The following FZD3 variants were observed in gnomAD, a reference collection of about 807,000 sequenced individuals.
The protein encoded by FZD3 is frizzled-3.
A neutral mutation model predicts 60.7 loss-of-function variants in FZD3; 30 were observed. That is an observed-to-expected ratio of 0.49 (90% confidence interval 0.37 to 0.67). The LOEUF (loss-of-function observed/expected upper bound fraction) is 0.67. Among genes scored for constraint, FZD3 ranks in the 30% least tolerant of loss-of-function variants. The probability of loss-of-function intolerance (pLI) is 0.00; values close to 1 mark genes in which losing one functional copy is unlikely to be tolerated. For synonymous variants in FZD3, 246 were observed against 275.2 expected (o/e 0.89, Z 1.05); for missense variants, 605 against 838.7 (o/e 0.72, Z 3.44).
At chr8:28,530,924 A>T (rs1257176234) in intron 5 of FZD3, among the ~76,000 whole-genome samples, 2 of 152,150 alleles carry the variant, frequency 1.3e-5, no homozygotes, top group African/African-American at 2.4e-5. Context: ...TCTATTTTTT[A>T]AAATGTTTCC....
At position 28,566,463 on chromosome 8, in the gene FZD3, G is replaced by T. The variant is rs1439518406; in HGVS notation, c.*3452G>T. 1 of 152,054 alleles carries T rather than the reference G, an allele frequency of 6.6e-6. No homozygotes were observed. Among genetic ancestry groups the T allele is most frequent in the Admixed American group, 6.6e-5 (1 of 15,264 alleles). 9.4% of individuals were successfully genotyped at this position (152,054 alleles called of 1,614,324 possible). A position where few individuals can be genotyped will look rare whatever the true frequency, so the allele number is the denominator to read the frequency against. On this transcript the variant is annotated 3_prime_UTR_variant, in exon 8 of 8. Transcript: ENST00000240093. ...TCTTCAAATCAACCTTTCTTTTTCT[G>T]CTGCTCTTAGAGCAGATTTATAAAA...
At position 28,564,442 on chromosome 8, in the gene FZD3, TAAAA is replaced by T. The variant is rs11299885; in HGVS notation, c.*1451_*1454del. The T allele has an allele frequency of 0.011, 1,255 of 112,376 alleles. 19 individuals are homozygous for T. The highest frequency in any genetic ancestry group is 0.039 in the African/African-American group (1,160 of 29,792). The allele number at this position is 112,376 out of a possible 1,614,324, so 7.0% of individuals were successfully genotyped here. ...TACAAATAAGAATTGGTAGCTTTCT[TAAAA>T]AAAAAAAAAAAAAAAAAAAGCGCTC... On this transcript the variant is annotated 3_prime_UTR_variant, in exon 8 of 8. Coordinates refer to ENST00000240093, the MANE Select transcript of FZD3 (RefSeq NM_017412.4).
intron 3 of FZD3, among the ~76,000 whole-genome samples, chr8:28,509,602 T>G (rs1804231458): frequency 6.6e-6 from 1 of 152,234 alleles, no homozygotes; most frequent in Non-Finnish European, 1.5e-5. Flanking sequence ...TCATTTTTTC[T>G]TCTCCCTAGT....
Position 28,571,829 on chromosome 8 carries a change from GATTAA to G in FZD3, c.*8823_*8827del, listed in dbSNP as rs1309554215. ...AAGAAAAGTTTGACAACTCAAAAAC[GATTAA>G]ATTATCTTATCTTGTTATTTAATAG... On this transcript the variant is annotated 3_prime_UTR_variant, in exon 8 of 8. Transcript: ENST00000240093. 2 of 151,226 alleles carry G rather than the reference GATTAA, an allele frequency of 1.3e-5. No homozygotes were observed. Among genetic ancestry groups the G allele is most frequent in the Non-Finnish European group, 3.0e-5 (2 of 67,326 alleles). The allele number at this position is 151,226 out of a possible 1,614,324, so 9.4% of individuals were successfully genotyped here. A position where few individuals can be genotyped will look rare whatever the true frequency, so the allele number is the denominator to read the frequency against.
chr8:28,528,444 T>G (rs191352532), intron 5 of FZD3, among the ~76,000 whole-genome samples: 61 of 152,196 alleles, frequency 4.0e-4, no homozygotes, highest in Admixed American at 1.6e-3. Context: ...GTGTGCAGTT[T>G]CGTGGGGGAG....
In FZD3 at chr8:28,524,808, A is replaced by T. The variant is rs192587297; in HGVS notation, c.387-2339A>T. Among the ~76,000 whole-genome samples, 313 of 152,066 alleles carry T rather than the reference A, an allele frequency of 2.1e-3. 1 individual carries two copies. Among genetic ancestry groups the T allele is most frequent in the African/African-American group, 7.4e-3 (305 of 41,452 alleles). Reference sequence around the variant, plus strand: ...TATCCAGCAGCTGTTGAAAATCCTAACCTATATCCAGTAGCCATTGGAAAT... The same window carrying T: ...TATCCAGCAGCTGTTGAAAATCCTATCCTATATCCAGTAGCCATTGGAAAT... On this transcript the variant is annotated intron_variant, in intron 4 of 7. Coordinates refer to ENST00000240093, the MANE Select transcript of FZD3 (RefSeq NM_017412.4).
intron 6 of FZD3, among the ~76,000 whole-genome samples, chr8:28,554,915 C>A (rs1284205390): frequency 6.6e-6 from 1 of 152,036 alleles, no homozygotes; most frequent in Non-Finnish European, 1.5e-5. Context: ...TATGAGTTTT[C>A]ATAGTAAGTC....
chr8:28,526,618 A>G (rs1022757142), intron 4 of FZD3, among the ~76,000 whole-genome samples: 2 of 152,190 alleles, frequency 1.3e-5, no homozygotes, highest in Non-Finnish European at 2.9e-5. Flanking sequence ...ACTTGATTGC[A>G]ATACATTCTG....
At chr8:28,531,902 T>G (rs1487730585) in intron 5 of FZD3, among the ~76,000 whole-genome samples, 1 of 152,224 alleles carries the variant, frequency 6.6e-6, no homozygotes, top group African/African-American at 2.4e-5. Flanking sequence ...CTTTTGTGTT[T>G]TAAGGTAATC....
chr8:28,532,473 G>C (rs1354556689), intron 5 of FZD3, among the ~76,000 whole-genome samples: 2 of 152,140 alleles, frequency 1.3e-5, no homozygotes, highest in East Asian at 3.8e-4. Flanking sequence ...CTGTTGCCTA[G>C]GTTGGAATGC....
intron 5 of FZD3, among the ~76,000 whole-genome samples, chr8:28,538,213 A>G (rs1199948948): frequency 1.3e-5 from 2 of 151,756 alleles, no homozygotes; most frequent in Non-Finnish European, 1.5e-5. Flanking sequence ...ACCTATCACT[A>G]TAATAAACAC....
intron 4 of FZD3, among the ~76,000 whole-genome samples, chr8:28,526,574 T>G (rs1804719940): frequency 6.6e-6 from 1 of 152,204 alleles, no homozygotes; most frequent in African/African-American, 2.4e-5. Context: ...TTTTTATCTT[T>G]TTAACTCCTG....
At chr8:28,496,265 T>C (rs1019633735) in intron 1 of FZD3, among the ~76,000 whole-genome samples, 1 of 152,250 alleles carries the variant, frequency 6.6e-6, no homozygotes, top group Non-Finnish European at 1.5e-5. Flanking sequence ...AAATTTCATG[T>C]TAGTTTGATA....
chr8:28,518,962 A>G (rs921821673), intron 3 of FZD3, among the ~76,000 whole-genome samples: 1 of 152,164 alleles, frequency 6.6e-6, no homozygotes, highest in Non-Finnish European at 1.5e-5. Flanking sequence ...TCTGTTTTTA[A>G]GTTGTTCTTG....
intron 3 of FZD3, among the ~76,000 whole-genome samples, chr8:28,518,350 G>T (rs577260403): frequency 2.6e-5 from 4 of 151,884 alleles, no homozygotes; most frequent in Non-Finnish European, 4.4e-5. Flanking sequence ...GAGCCATTGC[G>T]TCCAGCCAGC....
In FZD3 at chr8:28,527,046, A is replaced by G. The variant is rs1804731405; in HGVS notation, c.387-101A>G. The G allele has an allele frequency of 2.2e-6, 2 of 921,518 alleles. No individual in the cohort carries two copies. Among genetic ancestry groups the G allele is most frequent in the Admixed American group, 2.3e-5 (1 of 42,996 alleles). The allele number at this position is 921,518 out of a possible 1,614,324, so 57.1% of individuals were successfully genotyped here. A position where few individuals can be genotyped will look rare whatever the true frequency, so the allele number is the denominator to read the frequency against. ...TACATATTACATTTGCTCTCCAGGA[A>G]TAAATAAGGTTGTGAGTGCCAGATT... On this transcript the variant is annotated intron_variant, in intron 4 of 7. Coordinates refer to ENST00000240093, the MANE Select transcript of FZD3 (RefSeq NM_017412.4). The surrounding 1 kb of genome is among the most constrained non-coding windows in gnomAD (Gnocchi z 5.0).
intron 5 of FZD3, among the ~76,000 whole-genome samples, chr8:28,547,506 C>G (rs1203980879): frequency 6.6e-6 from 1 of 152,154 alleles, no homozygotes; most frequent in African/African-American, 2.4e-5. Context: ...TCTCCATCAC[C>G]AATATATGAG....
intron 2 of FZD3, among the ~76,000 whole-genome samples, chr8:28,500,878 A>G (rs1803971431): frequency 6.6e-6 from 1 of 151,964 alleles, no homozygotes; most frequent in South Asian, 2.1e-4. Context: ...CTTCTGCCTC[A>G]GCCTCCCAAG....
chr8:28,535,306 G>A (rs352206), intron 5 of FZD3, among the ~76,000 whole-genome samples: 4,019 of 152,180 alleles, frequency 0.026, 217 homozygotes, highest in African/African-American at 0.09. Context: ...AACACAGTGA[G>A]TTCCCATATG....
Sources: allele counts gnomAD v4.1 joint callset (sites outside exome capture counted in the v4.1 genomes callset), GRCh38; gene constraint gnomAD v4.1.1; non-coding constraint Gnocchi (gnomAD v3.1); transcripts MANE v1.5; gene names NCBI Gene and HGNC (gene_info 2026-07-23, HGNC 2026-07-21).